HDAC9: variants seen among roughly 807,000 people sequenced by gnomAD.
HDAC9 encodes histone deacetylase 9.
A neutral mutation model predicts 139.4 loss-of-function variants in HDAC9; 41 were observed. The observed-to-expected ratio is 0.29, with a 90% CI of 0.23 to 0.38. HDAC9 has a LOEUF of 0.38. Ranked by LOEUF, HDAC9 falls within the 10% of genes least tolerant of loss-of-function variation. HDAC9 has a pLI of 1.00. For synonymous variants in HDAC9, 517 were observed against 476.2 expected (o/e 1.09, Z -1.12); for missense variants, 1,147 against 1,297.0 (o/e 0.88, Z 1.78).
At chr7:18,411,551 A>G (rs1426083315) in intron 1 of HDAC9, among the ~76,000 whole-genome samples, 6 of 151,580 alleles carry the variant, frequency 4.0e-5, no homozygotes, top group Non-Finnish European at 8.8e-5. Flanking sequence ...ATTTTTTTGT[A>G]TTTTTAGTAG....
rs148729921 is a variant in HDAC9, at chr7:18,890,694, C to T, written c.2803+16098C>T. The stretch of plus-strand genomic sequence containing the variant: ...GGAATTATACCACATCCATTGTGGT[C>T]GATTACCTTTTGAAAAGCAGATTTT... On this transcript the variant is annotated intron_variant, in intron 22 of 25. Transcript: ENST00000686413. 5.9e-5 allele frequency among the ~76,000 whole-genome samples: 9 copies of T among 152,196 alleles called. No individual in the cohort carries two copies. The East Asian group carries it at 7.7e-4, about 13-fold the overall frequency.
intron 1 of HDAC9, among the ~76,000 whole-genome samples, chr7:18,117,751 G>A (rs1316353581): frequency 6.6e-6 from 1 of 152,176 alleles, no homozygotes; most frequent in East Asian, 1.9e-4. Context: ...TTCTGGCCTT[G>A]AGAACTGTGA....
intron 1 of HDAC9, among the ~76,000 whole-genome samples, chr7:18,314,188 G>C (rs1368330350): frequency 6.6e-6 from 1 of 152,194 alleles, no homozygotes; most frequent in African/African-American, 2.4e-5. Context: ...ATGTGAGACA[G>C]AAGGGAGGGA....
intron 12 of HDAC9, among the ~76,000 whole-genome samples, chr7:18,693,682 T>C (rs1187153220): frequency 6.6e-6 from 1 of 152,146 alleles, no homozygotes; most frequent in Non-Finnish European, 1.5e-5. Flanking sequence ...CACTCAAGTG[T>C]CTTAGTCGAA....
intron 21 of HDAC9, among the ~76,000 whole-genome samples, chr7:18,840,397 C>A (rs1001464208): frequency 3.3e-5 from 5 of 152,042 alleles, no homozygotes; most frequent in Non-Finnish European, 7.4e-5. Flanking sequence ...GGGGAAAACT[C>A]TGACCCAGAA....
chr7:18,785,830 T>G (rs6461384), intron 16 of HDAC9, among the ~76,000 whole-genome samples: 95,251 of 151,820 alleles, frequency 0.63, 32,061 homozygotes, highest in Non-Finnish European at 0.76. Context: ...CTGAATAACC[T>G]CTGAATTTCA....
intron 2 of HDAC9, among the ~76,000 whole-genome samples, chr7:18,268,121 A>G (rs562232347): frequency 6.6e-6 from 1 of 152,262 alleles, no homozygotes; most frequent in African/African-American, 2.4e-5. Flanking sequence ...CACTTATTTA[A>G]TTGATCTAAT....
chr7:18,986,224 A>G (rs1785337433), intron 25 of HDAC9, among the ~76,000 whole-genome samples: 1 of 6,894 alleles, frequency 1.5e-4, no homozygotes, highest in Admixed American at 1.2e-3. Flanking sequence ...TAAGTCTTTA[A>G]TCCATCTTGA....
chr7:18,237,115 CTT>C (rs760858764), intron 2 of HDAC9, among the ~76,000 whole-genome samples: 3 of 152,186 alleles, frequency 2.0e-5, no homozygotes, highest in Non-Finnish European at 4.4e-5. Context: ...GGTCCCGCAT[CTT>C]TGGCAGGCTG....
intron 2 of HDAC9, among the ~76,000 whole-genome samples, chr7:18,269,024 T>C (rs1175695973): frequency 1.3e-5 from 2 of 152,200 alleles, no homozygotes; most frequent in Non-Finnish European, 2.9e-5. Context: ...CTAATAAATA[T>C]TGCATTTATA....
At chr7:18,822,428 C>A (rs1354807471) in intron 17 of HDAC9, among the ~76,000 whole-genome samples, 1 of 152,194 alleles carries the variant, frequency 6.6e-6, no homozygotes. Flanking sequence ...GATCACAGCT[C>A]ACTGCAGCTG....
chr7:18,149,805 T>C (rs562321031), intron 1 of HDAC9, among the ~76,000 whole-genome samples: 51 of 152,192 alleles, frequency 3.4e-4, no homozygotes, highest in African/African-American at 1.1e-3. Flanking sequence ...CTGCCCGCCT[T>C]GGCCTCCCAA....
intron 25 of HDAC9, among the ~76,000 whole-genome samples, chr7:18,990,733 C>A (rs373847555): frequency 6.6e-6 from 1 of 152,218 alleles, no homozygotes; most frequent in Non-Finnish European, 1.5e-5. Context: ...GAGCCATGTG[C>A]GGGATATAAT....
intron 7 of HDAC9, among the ~76,000 whole-genome samples, chr7:18,631,469 A>G (rs1782316643): frequency 6.6e-6 from 1 of 152,000 alleles, no homozygotes. Flanking sequence ...AGTTTGGATG[A>G]GATTTGTTTG....
chr7:18,580,164 GTGAA>G (rs1485725839), intron 2 of HDAC9, among the ~76,000 whole-genome samples: 2 of 152,114 alleles, frequency 1.3e-5, no homozygotes, highest in African/African-American at 4.8e-5. Context: ...AAAGCTAAAC[GTGAA>G]TGTTCATGTT....
At chr7:18,585,955 C>T (rs964937531) in intron 3 of HDAC9, among the ~76,000 whole-genome samples, 5 of 152,044 alleles carry the variant, frequency 3.3e-5, no homozygotes, top group African/African-American at 1.2e-4. Context: ...AAAAAACAAA[C>T]ATGGTGTATA....
chr7:18,563,628 C>A (rs1189299545), intron 2 of HDAC9, among the ~76,000 whole-genome samples: 1 of 152,054 alleles, frequency 6.6e-6, no homozygotes, highest in African/African-American at 2.4e-5. Flanking sequence ...CACCTGTCAC[C>A]ATCTCTAGTT....
intron 6 of HDAC9, among the ~76,000 whole-genome samples, chr7:18,616,098 C>T (rs1329811820): frequency 6.6e-6 from 1 of 152,180 alleles, no homozygotes; most frequent in Non-Finnish European, 1.5e-5. Flanking sequence ...TGGCATTGCA[C>T]TGACACTTCT....
At chr7:18,836,871 A>G (rs1562976351) in intron 21 of HDAC9, among the ~76,000 whole-genome samples, 1 of 152,096 alleles carries the variant, frequency 6.6e-6, no homozygotes, top group Admixed American at 6.6e-5. Context: ...AGTTGAAAGC[A>G]AAACAACCAC....
Sources: allele counts gnomAD v4.1 joint callset (sites outside exome capture counted in the v4.1 genomes callset), GRCh38; gene constraint gnomAD v4.1.1; transcripts MANE v1.5; gene names NCBI Gene and HGNC (gene_info 2026-07-23, HGNC 2026-07-21).